CNTNAP2: variants seen among roughly 807,000 people sequenced by gnomAD.
The protein encoded by CNTNAP2 is contactin associated protein 2.
In CNTNAP2, 98 loss-of-function variants were observed where a neutral mutation model predicts 155.2. The ratio of observed to expected loss-of-function variants is 0.63; its 90% CI spans 0.54 to 0.75. The LOEUF (loss-of-function observed/expected upper bound fraction) is 0.75, where lower values mean the gene tolerates loss of function less well. CNTNAP2 is among the 30% of genes least tolerant of loss of function. The pLI, the probability that CNTNAP2 is intolerant of heterozygous loss-of-function variation, is 0.00. For synonymous variants in CNTNAP2, 651 were observed against 631.2 expected (o/e 1.03, Z -0.47); for missense variants, 1,727 against 1,688.1 (o/e 1.02, Z -0.40).
chr7:147,470,951 C>T (rs1563217208), intron 10 of CNTNAP2, among the ~76,000 whole-genome samples: 1 of 152,008 alleles, frequency 6.6e-6, no homozygotes, highest in Admixed American at 6.6e-5. Flanking sequence ...GAAGATTGAG[C>T]CGGCAGCAAA....
chr7:146,533,956 A>G (rs1797809329), intron 1 of CNTNAP2, among the ~76,000 whole-genome samples: 1 of 152,188 alleles, frequency 6.6e-6, no homozygotes, highest in African/African-American at 2.4e-5. Context: ...AAGTTAGAAA[A>G]GCATTGAATT....
rs116049646 is a variant in CNTNAP2 at position 148,272,604 on chromosome 7, G to A, written c.3475+5478G>A. Among the ~76,000 whole-genome samples the A allele has an allele frequency of 4.5e-3, 686 of 152,132 alleles. 7 individuals are homozygous for A. Among genetic ancestry groups the A allele is most frequent in the Middle Eastern group, 0.02 (6 of 294 alleles). ...AAAGATGGGATAAAAATAATAAGAT[G>A]AAATGTAATAGAAATAAACTTAATT... On this transcript the variant is annotated intron_variant, in intron 21 of 23. Coordinates refer to ENST00000361727, the MANE Select transcript of CNTNAP2 (RefSeq NM_014141.6).
At chr7:147,666,642 G>A (rs938392617) in intron 13 of CNTNAP2, among the ~76,000 whole-genome samples, 3 of 152,118 alleles carry the variant, frequency 2.0e-5, no homozygotes, top group Non-Finnish European at 4.4e-5. Flanking sequence ...CATGTTTACT[G>A]TGTCTCTTGA....
At chr7:147,397,670 A>G (rs942346003) in intron 10 of CNTNAP2, among the ~76,000 whole-genome samples, 4 of 152,074 alleles carry the variant, frequency 2.6e-5, no homozygotes, top group African/African-American at 9.7e-5. Context: ...GTAAATTAAT[A>G]AAATGGAAGG....
At chr7:146,622,243 A>C (rs369584812) in intron 1 of CNTNAP2, among the ~76,000 whole-genome samples, 1 of 144,332 alleles carries the variant, frequency 6.9e-6, no homozygotes, top group African/African-American at 2.7e-5. Flanking sequence ...ATGTGTGTGT[A>C]TATCTATCTA....
chr7:146,285,262 G>T (rs539912281), intron 1 of CNTNAP2, among the ~76,000 whole-genome samples: 1 of 152,154 alleles, frequency 6.6e-6, no homozygotes, highest in South Asian at 2.1e-4. Context: ...AATCTAAAAT[G>T]AGTTTTGAAA....
At chr7:146,740,976 G>A (rs190756975) in intron 1 of CNTNAP2, among the ~76,000 whole-genome samples, 100 of 152,242 alleles carry the variant, frequency 6.6e-4, no homozygotes, top group Middle Eastern at 6.8e-3. Flanking sequence ...TCAGTCTGCT[G>A]GTACTGGTTC....
At chr7:147,228,270 T>C (rs1803594122) in intron 8 of CNTNAP2, among the ~76,000 whole-genome samples, 1 of 152,006 alleles carries the variant, frequency 6.6e-6, no homozygotes, top group Non-Finnish European at 1.5e-5. Flanking sequence ...AATTGGGTAA[T>C]AGGTACAGAG....
intron 13 of CNTNAP2, among the ~76,000 whole-genome samples, chr7:147,800,128 C>T (rs1797960271): frequency 6.6e-6 from 1 of 152,084 alleles, no homozygotes; most frequent in East Asian, 1.9e-4. Flanking sequence ...TTTTAAACTC[C>T]ATTTTTTGAG....
intron 1 of CNTNAP2, among the ~76,000 whole-genome samples, chr7:146,737,124 A>G (rs1435733571): frequency 6.6e-6 from 1 of 152,132 alleles, no homozygotes; most frequent in Non-Finnish European, 1.5e-5. Context: ...TTTTTCAGTT[A>G]CTTTGGAACT....
chr7:147,280,340 A>G (rs35018500), intron 8 of CNTNAP2, among the ~76,000 whole-genome samples: 5,210 of 151,978 alleles, frequency 0.034, 118 homozygotes, highest in Non-Finnish European at 0.052. Flanking sequence ...AACAGAGGTC[A>G]CACATCCTCC....
At chr7:146,757,505 C>T (rs1482701334) in intron 1 of CNTNAP2, among the ~76,000 whole-genome samples, 1 of 152,100 alleles carries the variant, frequency 6.6e-6, no homozygotes, top group Admixed American at 6.6e-5. Context: ...CTCTCACAAA[C>T]ATTTCATGAC....
At chr7:146,303,895 A>G (rs201164532) in intron 1 of CNTNAP2, among the ~76,000 whole-genome samples, 4 of 151,888 alleles carry the variant, frequency 2.6e-5, no homozygotes, top group African/African-American at 9.7e-5. Flanking sequence ...TTATTGTGTG[A>G]GAGTCTAAGT....
intron 1 of CNTNAP2, among the ~76,000 whole-genome samples, chr7:146,552,623 C>T (rs189125916): frequency 6.9e-4 from 105 of 151,982 alleles, no homozygotes; most frequent in Non-Finnish European, 1.3e-3. Context: ...TCTTTCTTTC[C>T]TCCCCCTAAC....
rs74791711 is a variant in CNTNAP2 at position 146,809,985 on chromosome 7, T to C, written c.209-29726T>C. Among the ~76,000 whole-genome samples the C allele has an allele frequency of 5.9e-3, 894 of 152,330 alleles. 13 individuals carry two copies. Among genetic ancestry groups the C allele is most frequent in the African/African-American group, 0.02 (850 of 41,576 alleles). On this transcript the variant is annotated intron_variant, in intron 2 of 23. Transcript: ENST00000361727. ...CCTAGTTGTGTTACAATTTCAGCTC[T>C]TACATTTAAGTCTTTCATACATTTG...
At chr7:148,401,820 G>A (rs748685208) in intron 22 of CNTNAP2, among the ~76,000 whole-genome samples, 21 of 151,990 alleles carry the variant, frequency 1.4e-4, no homozygotes, top group Admixed American at 3.3e-4. Context: ...GGATGGTCTC[G>A]ATCTCCCGAC....
At chr7:148,193,509 C>T (rs1231407007) in intron 18 of CNTNAP2, among the ~76,000 whole-genome samples, 1 of 152,002 alleles carries the variant, frequency 6.6e-6, no homozygotes, top group African/African-American at 2.4e-5. Flanking sequence ...AAGAAAGGGA[C>T]CACAAGGGCA....
chr7:146,492,060 A>T (rs1249306983), intron 1 of CNTNAP2, among the ~76,000 whole-genome samples: 1 of 152,172 alleles, frequency 6.6e-6, no homozygotes, highest in Non-Finnish European at 1.5e-5. Context: ...TAATTAAGAA[A>T]CGCAATGTCT....
rs369986186 is a variant in CNTNAP2, at chr7:146,717,821, T to C, written c.98-56450T>C. Among the ~76,000 whole-genome samples, 16 of 152,080 alleles carry C rather than the reference T, an allele frequency of 1.1e-4. 1 individual carries two copies. The highest frequency in any genetic ancestry group is 9.7e-4 in the East Asian group (5 of 5,136). On this transcript the variant is annotated intron_variant, in intron 1 of 23. Transcript: ENST00000361727. The stretch of plus-strand genomic sequence containing the variant: ...AGCATTTCATAAAGTATCCCAATGA[T>C]CCTGGAAGTTGAGTAATGCATTATC...
Sources: allele counts gnomAD v4.1 joint callset (sites outside exome capture counted in the v4.1 genomes callset), GRCh38; gene constraint gnomAD v4.1.1; transcripts MANE v1.5; gene names NCBI Gene and HGNC (gene_info 2026-07-23, HGNC 2026-07-21).